The following JAK1 variants were observed in gnomAD, a reference collection of about 807,000 sequenced individuals.
The protein encoded by JAK1 is Janus kinase 1, also known as tyrosine-protein kinase JAK1.
A neutral mutation model predicts 136.6 loss-of-function variants in JAK1; 16 were observed. The ratio of observed to expected loss-of-function variants is 0.12; its 90% confidence interval spans 0.08 to 0.18. The LOEUF is 0.18. Ranked by LOEUF, JAK1 falls within the 10% of genes least tolerant of loss-of-function variation. The pLI is 1.00. For missense variants in JAK1, 859 were observed against 1,450.1 expected, an observed-to-expected ratio of 0.59 and a Z score of 6.62; for synonymous variants, 492 against 519.5, an observed-to-expected ratio of 0.95 and a Z score of 0.72.
intron 1 of JAK1, among the ~76,000 whole-genome samples, chr1:64,910,535 T>G (rs1422255801): frequency 6.6e-6 from 1 of 152,134 alleles, no homozygotes; most frequent in Non-Finnish European, 1.5e-5. Context: ...ACGCTGTACT[T>G]AGAAATATCA....
intron 2 of JAK1, 40 bp downstream of exon 2, chr1:64,886,219 C>T (rs1644850257): frequency 1.5e-6 from 2 of 1,334,116 alleles, no homozygotes; most frequent in African/African-American, 1.5e-5. Flanking sequence ...TTTTTAAAGC[C>T]AGATATTTTC....
intron 2 of JAK1, among the ~76,000 whole-genome samples, chr1:65,034,815 G>A (rs1216131489): frequency 1.3e-5 from 2 of 152,112 alleles, no homozygotes; most frequent in African/African-American, 2.4e-5. Context: ...AGCACTTTGC[G>A]AGGCCAAGGC....
intron 1 of JAK1, among the ~76,000 whole-genome samples, chr1:65,062,973 A>C (rs1198026905): frequency 6.6e-6 from 1 of 152,216 alleles, no homozygotes; most frequent in Non-Finnish European, 1.5e-5. Context: ...AAATAAAGGG[A>C]TAGCACCGAA....
chr1:64,850,743 A>G, intron 12 of JAK1, 61 bp downstream of exon 12: 6 of 1,100,272 alleles, frequency 5.5e-6, no homozygotes, highest in Non-Finnish European at 8.4e-6. Context: ...CAGATCCCCA[A>G]GCTGCTCCAT....
rs1400624649 is a variant in JAK1 at position 64,984,273 on chromosome 1, G to T, written c.-78+60207C>A. ...GCTTCCTGGTAAGTCTGCGGTTGGGGGAACTGCACCTTACTTTTCCTCCCC... is the reference window on the plus strand; with the variant it reads ...GCTTCCTGGTAAGTCTGCGGTTGGGTGAACTGCACCTTACTTTTCCTCCCC... On this transcript the variant is annotated intron_variant, in intron 2 of 25. Transcript: ENST00000671954. This position sits in a 1 kb window ranked among gnomAD's most constrained non-coding sequence, Gnocchi z 4.1. Among the ~76,000 whole-genome samples the T allele has an allele frequency of 3.3e-5, 5 of 152,076 alleles. No individual in the cohort carries two copies. Among genetic ancestry groups the T allele is most frequent in the Non-Finnish European group, 7.4e-5 (5 of 68,020 alleles).
intron 15 of JAK1, 141 bp downstream of exon 15, chr1:64,845,371 CT>C: frequency 1.1e-6 from 1 of 932,424 alleles, no homozygotes; most frequent in Non-Finnish European, 1.7e-6. Flanking sequence ...CCAGGCACAC[CT>C]TTGTTCAACC....
intron 1 of JAK1, among the ~76,000 whole-genome samples, chr1:64,965,728 G>A (rs867522971): frequency 4.6e-5 from 7 of 152,052 alleles, no homozygotes; most frequent in Non-Finnish European, 8.8e-5. Flanking sequence ...CTTCTCGCTG[G>A]CTACCTGAGG....
chr1:65,060,551 A>G (rs1308256056), intron 1 of JAK1, among the ~76,000 whole-genome samples: 1 of 152,204 alleles, frequency 6.6e-6, no homozygotes. Context: ...CATTTTTGGT[A>G]AAGTAAAAGA....
intron 23 of JAK1, among the ~76,000 whole-genome samples, chr1:64,835,838 A>G (rs1021167744): frequency 1.3e-5 from 2 of 152,138 alleles, no homozygotes; most frequent in Non-Finnish European, 2.9e-5. Context: ...TCATTTTCCC[A>G]TAAAACTGCC....
chr1:64,950,132 G>A (rs982737696), intron 1 of JAK1, among the ~76,000 whole-genome samples: 10 of 151,842 alleles, frequency 6.6e-5, no homozygotes, highest in African/African-American at 1.2e-4. Context: ...ACATTAGGCC[G>A]GGCGCAGTGG....
At chr1:64,840,395 T>G (rs1471209106) in intron 19 of JAK1, among the ~76,000 whole-genome samples, 2 of 152,182 alleles carry the variant, frequency 1.3e-5, no homozygotes, top group African/African-American at 4.8e-5. Flanking sequence ...TCTGTTTCAT[T>G]AACCAGACTA....
rs189343925 is a variant in JAK1 at position 64,865,590 on chromosome 1, C to T, written c.991-618G>A. 9.3e-4 allele frequency among the ~76,000 whole-genome samples: 142 copies of T among 152,302 alleles called. 1 individual carries two copies. The highest frequency in any genetic ancestry group is 3.2e-3 in the African/African-American group (133 of 41,564). On this transcript the variant is annotated intron_variant, in intron 7 of 24. Coordinates refer to ENST00000342505, the MANE Select transcript of JAK1 (RefSeq NM_002227.4). ...CTAGTTACATCATCTCTTTGAGCCT[C>T]ATTTTCCTTATTCATGAAATAGCTT...
At chr1:64,858,877 AGAC>A (rs1235969648) in intron 9 of JAK1, among the ~76,000 whole-genome samples, 1 of 152,230 alleles carries the variant, frequency 6.6e-6, no homozygotes, top group Non-Finnish European at 1.5e-5. Flanking sequence ...TGGTCAAGGA[AGAC>A]TTCACGGATA....
At chr1:65,052,116 C>CTTTTTT (rs1557775795) in intron 1 of JAK1, among the ~76,000 whole-genome samples, 2 of 110,950 alleles carry the variant, frequency 1.8e-5, no homozygotes, top group Admixed American at 1.2e-4. Flanking sequence ...CCACGCCTGG[C>CTTTTTT]TATTTTTTTT....
intron 19 of JAK1, 82 bp from the exon 20 acceptor site, chr1:64,839,877 C>T (rs1428979593): frequency 8.9e-6 from 11 of 1,230,110 alleles, no homozygotes; most frequent in African/African-American, 1.5e-5. Flanking sequence ...CTCCTCACAG[C>T]CGTTCCCCTG....
intron 1 of JAK1, among the ~76,000 whole-genome samples, chr1:64,923,158 C>T (rs1014713473): frequency 8.5e-5 from 13 of 152,132 alleles, no homozygotes; most frequent in Non-Finnish European, 1.5e-4. Flanking sequence ...CCTCCTCCAC[C>T]ACCTAGCTCC....
chr1:64,886,074 T>C (rs1283038131), intron 2 of JAK1, among the ~76,000 whole-genome samples, 185 bp downstream of exon 2: 1 of 152,206 alleles, frequency 6.6e-6, no homozygotes, highest in African/African-American at 2.4e-5. Context: ...ACTCTGTACC[T>C]CCTATACTTT....
chr1:64,900,843 T>C (rs541103122), intron 1 of JAK1, among the ~76,000 whole-genome samples: 5 of 152,344 alleles, frequency 3.3e-5, no homozygotes, highest in African/African-American at 1.2e-4. Flanking sequence ...ATTTGTGCCC[T>C]GAACTCCAAA....
chr1:65,060,525 C>A (rs1647745380), intron 1 of JAK1, among the ~76,000 whole-genome samples: 1 of 152,092 alleles, frequency 6.6e-6, no homozygotes, highest in Non-Finnish European at 1.5e-5. Flanking sequence ...TCACCAAAAC[C>A]CATGCAACAA....
Sources: gnomAD v4.1 joint callset for allele counts (sites outside exome capture counted in the v4.1 genomes callset) on GRCh38, gnomAD v4.1.1 for gene constraint, Gnocchi (gnomAD v3.1) non-coding constraint, MANE v1.5 for transcripts, NCBI Gene and HGNC (gene_info 2026-07-23, HGNC 2026-07-21) for gene names.